CIMAP1D: variants seen among roughly 807,000 people sequenced by gnomAD.
CIMAP1D encodes CIMAP1 family member D, also known as protein CIMAP1D.
At chr19:472,308 T>C in the CIMAP1D span, 3 of 720,116 alleles carry the variant, frequency 4.2e-6, no homozygotes, top group Middle Eastern at 5.2e-4. Context: ...GGGGCCTGGA[T>C]CTAAGGGGTA....
At chr19:482,324 C>T in the CIMAP1D span, among the ~76,000 whole-genome samples, 4 of 152,246 alleles carry the variant, frequency 2.6e-5, no homozygotes, top group East Asian at 1.9e-4. Flanking sequence ...GACGCTGTGT[C>T]GGGCAGCACA....
the CIMAP1D span, among the ~76,000 whole-genome samples, chr19:479,405 T>G: frequency 2.0e-5 from 1 of 50,684 alleles, no homozygotes; most frequent in Non-Finnish European, 5.1e-5. Context: ...TCTCTTTTTT[T>G]TTTTTTGGGG....
chr19:470,864 G>A, the CIMAP1D span, among the ~76,000 whole-genome samples: 22 of 152,238 alleles, frequency 1.4e-4, no homozygotes, highest in African/African-American at 3.6e-4. Context: ...GGTCCACGCC[G>A]GAGCTGCTTC....
chr19:468,139 G>T, the CIMAP1D span, among the ~76,000 whole-genome samples: 1 of 152,136 alleles, frequency 6.6e-6, no homozygotes, highest in Admixed American at 6.5e-5. Flanking sequence ...GCCGAGGCAG[G>T]AGGGTCACTT....
the CIMAP1D span, among the ~76,000 whole-genome samples, chr19:485,741 C>T: frequency 6.6e-6 from 1 of 152,216 alleles, no homozygotes; most frequent in African/African-American, 2.4e-5. Flanking sequence ...AGGCAGCTCC[C>T]AGGAGGCCGG....
the CIMAP1D span, chr19:472,349 T>A: frequency 8.6e-7 from 1 of 1,159,656 alleles, no homozygotes; most frequent in South Asian, 1.6e-5. Context: ...TGGGGGGAGA[T>A]TGGAGGATCA....
chr19:482,160 C>G, the CIMAP1D span, among the ~76,000 whole-genome samples: 39,280 of 152,074 alleles, frequency 0.26, 5,094 homozygotes, highest in East Asian at 0.28. Context: ...ACCCCCATAT[C>G]CAAAATAATA....
chr19:463,958 T>C, the CIMAP1D span: 1 of 1,611,332 alleles, frequency 6.2e-7, no homozygotes, highest in African/African-American at 1.3e-5. Flanking sequence ...GAGCCCTGGC[T>C]TTGTTCACGG....
At chr19:480,654 GAGAAGGATGATGGA>G in the CIMAP1D span, among the ~76,000 whole-genome samples, 1 of 138,208 alleles carries the variant, frequency 7.2e-6, no homozygotes, top group African/African-American at 3.0e-5. Context: ...AAGGATGATG[GAGAAGGATGATGGA>G]GAAGGATGAT....
the CIMAP1D span, among the ~76,000 whole-genome samples, chr19:477,068 G>A: frequency 2.6e-5 from 4 of 152,240 alleles, no homozygotes; most frequent in Non-Finnish European, 5.9e-5. Flanking sequence ...TCAGCCAGGA[G>A]TGGTGGTGTG....
At chr19:477,821 C>A in the CIMAP1D span, among the ~76,000 whole-genome samples, 1 of 152,202 alleles carries the variant, frequency 6.6e-6, no homozygotes, top group Non-Finnish European at 1.5e-5. Flanking sequence ...CGCCACGCCA[C>A]GGCACGCAGG....
chr19:475,052 C>T, the CIMAP1D span: 2 of 295,806 alleles, frequency 6.8e-6, no homozygotes, highest in African/African-American at 2.2e-5. Flanking sequence ...CGGGAGCCGG[C>T]AGAGCTGGGC....
At chr19:475,058 TGGGCAGCTGGGGCCAGGGCCGGCCCCA>T in the CIMAP1D span, 7 of 287,034 alleles carry the variant, frequency 2.4e-5, no homozygotes, top group Non-Finnish European at 3.9e-5. Context: ...CCGGCAGAGC[TGGGCAGCTGGGGCCAGGGCCGGCCCCA>T]GGGAACTAGA....
At chr19:478,024 C>T in the CIMAP1D span, among the ~76,000 whole-genome samples, 2 of 152,230 alleles carry the variant, frequency 1.3e-5, no homozygotes, top group Admixed American at 6.5e-5. Context: ...GCCCCTTCCT[C>T]GGTCACGAGG....
chr19:488,634 C>T, the CIMAP1D span, among the ~76,000 whole-genome samples: 1 of 118,734 alleles, frequency 8.4e-6, no homozygotes, highest in African/African-American at 5.0e-5. Flanking sequence ...GTGACCCTGA[C>T]CCGCGAAGCG....
the CIMAP1D span, among the ~76,000 whole-genome samples, chr19:479,037 G>A: frequency 2.0e-5 from 3 of 152,248 alleles, no homozygotes; most frequent in African/African-American, 4.8e-5. Context: ...AAACGTGGGC[G>A]AAGGGGGTGT....
the CIMAP1D span, among the ~76,000 whole-genome samples, chr19:470,847 C>T: frequency 2.0e-5 from 3 of 152,224 alleles, no homozygotes; most frequent in East Asian, 1.9e-4. Context: ...CCCTGGGTGC[C>T]GGGCGGGGTC....
the CIMAP1D span, among the ~76,000 whole-genome samples, chr19:491,105 A>T: frequency 6.6e-6 from 1 of 151,818 alleles, no homozygotes; most frequent in African/African-American, 2.4e-5. Flanking sequence ...CAAAAAAAAA[A>T]AAAAAGTCTA....
At chr19:472,518 T>A in the CIMAP1D span, 1 of 1,511,062 alleles carries the variant, frequency 6.6e-7, no homozygotes, top group African/African-American at 1.4e-5. Flanking sequence ...CCCAAAGCCC[T>A]CAGGTCACCT....
Sources: allele counts gnomAD v4.1 joint callset (sites outside exome capture counted in the v4.1 genomes callset), GRCh38; gene constraint gnomAD v4.1.1; transcripts MANE v1.5; gene names NCBI Gene and HGNC (gene_info 2026-07-23, HGNC 2026-07-21).